The following RAD51B variants were observed in gnomAD, a reference collection of about 807,000 sequenced individuals.
RAD51B encodes DNA repair protein RAD51 homolog 2.
A neutral mutation model predicts 42.2 loss-of-function variants in RAD51B; 38 were observed. The observed-to-expected ratio is 0.90, with a 90% CI of 0.70 to 1.18. The LOEUF is 1.18. Among genes scored for constraint, RAD51B ranks in the 50% most tolerant of loss-of-function variants. The probability of loss-of-function intolerance (pLI) is 0.00; values close to 1 mark genes in which losing one functional copy is unlikely to be tolerated. For missense variants in RAD51B, 373 were observed against 400.7 expected, an observed-to-expected ratio of 0.93 and a Z score of 0.59; for synonymous variants, 154 against 145.2, an observed-to-expected ratio of 1.06 and a Z score of -0.43.
chr14:67,993,592 T>C (rs2075333171), intron 7 of RAD51B, among the ~76,000 whole-genome samples: 1 of 152,230 alleles, frequency 6.6e-6, no homozygotes, highest in South Asian at 2.1e-4. Flanking sequence ...TCCATTCATG[T>C]GTTGATGGAC....
intron 10 of RAD51B, among the ~76,000 whole-genome samples, chr14:68,640,708 G>A (rs1005356949): frequency 6.6e-6 from 1 of 152,214 alleles, no homozygotes; most frequent in Non-Finnish European, 1.5e-5. Flanking sequence ...AGTTCACCAA[G>A]GGATGGGCTG....
chr14:68,359,524 C>T (rs78926716), intron 8 of RAD51B, among the ~76,000 whole-genome samples: 2,204 of 152,240 alleles, frequency 0.014, 53 homozygotes, highest in African/African-American at 0.051. Flanking sequence ...GAAACGCAAA[C>T]AGCTGCTGCC....
At chr14:68,494,456 T>C (rs1884344513) in intron 10 of RAD51B, among the ~76,000 whole-genome samples, 2 of 152,230 alleles carry the variant, frequency 1.3e-5, no homozygotes, top group South Asian at 4.2e-4. Flanking sequence ...GAGGTGTCTG[T>C]GGGCAATACT....
intron 7 of RAD51B, among the ~76,000 whole-genome samples, chr14:67,900,478 A>G (rs2043572700): frequency 6.6e-6 from 1 of 152,098 alleles, no homozygotes; most frequent in Non-Finnish European, 1.5e-5. Context: ...TTTTAGTTTC[A>G]TGACATTGCC....
chr14:68,541,300 G>A (rs1312977442), intron 10 of RAD51B: 2 of 985,356 alleles, frequency 2.0e-6, no homozygotes, highest in Non-Finnish European at 2.4e-6. Context: ...GCAAAGAATA[G>A]GTGGCTAAGG....
intron 9 of RAD51B, among the ~76,000 whole-genome samples, chr14:68,418,952 G>A (rs1179384475): frequency 6.6e-6 from 1 of 152,194 alleles, no homozygotes; most frequent in Non-Finnish European, 1.5e-5. Flanking sequence ...GTGCCCATCT[G>A]AGATACAGTC....
At chr14:68,080,043 C>T (rs2076890223) in intron 7 of RAD51B, among the ~76,000 whole-genome samples, 1 of 152,234 alleles carries the variant, frequency 6.6e-6, no homozygotes, top group Non-Finnish European at 1.5e-5. Flanking sequence ...ACAGGGCCTT[C>T]TGTGATGAAG....
intron 7 of RAD51B, among the ~76,000 whole-genome samples, chr14:68,196,356 A>G (rs1454755014): frequency 6.6e-6 from 1 of 152,162 alleles, no homozygotes; most frequent in East Asian, 1.9e-4. Flanking sequence ...CCTGCTTAAA[A>G]TGTTTCATTG....
intron 8 of RAD51B, among the ~76,000 whole-genome samples, chr14:68,325,819 C>G (rs920656038): frequency 6.6e-6 from 1 of 152,006 alleles, no homozygotes; most frequent in African/African-American, 2.4e-5. Context: ...ACTGTCACCA[C>G]CCATAGCACT....
At chr14:68,074,635 G>C (rs2076804043) in intron 7 of RAD51B, among the ~76,000 whole-genome samples, 1 of 152,152 alleles carries the variant, frequency 6.6e-6, no homozygotes, top group African/African-American at 2.4e-5. Context: ...TCTTGCGTTG[G>C]TTCTTTCTCA....
Position 68,451,228 on chromosome 14 carries a change from C to G in RAD51B, c.958-16944C>G, listed in dbSNP as rs558648927. ...TATCCAGTCTGGTTGCTATCAAGCT[C>G]TTCCTACCAAGTTCTTTCTGAGATC... On this transcript the variant is annotated intron_variant, in intron 9 of 10. Coordinates refer to ENST00000471583, the MANE Select transcript of RAD51B (RefSeq NM_133510.4). Among the ~76,000 whole-genome samples, 4 of 152,324 alleles carry G rather than the reference C, an allele frequency of 2.6e-5. No homozygotes were observed. In the South Asian group the frequency reaches 8.3e-4, roughly 32 times the overall value.
intron 10 of RAD51B, among the ~76,000 whole-genome samples, chr14:68,629,140 C>A (rs1892165932): frequency 6.6e-6 from 1 of 152,122 alleles, no homozygotes; most frequent in African/African-American, 2.4e-5. Context: ...GAAATCACAC[C>A]ATTCTTGGTT....
intron 7 of RAD51B, among the ~76,000 whole-genome samples, chr14:68,162,752 T>C (rs1018442990): frequency 6.6e-6 from 1 of 152,116 alleles, no homozygotes; most frequent in African/African-American, 2.4e-5. Flanking sequence ...GCCACTGCAC[T>C]CCAGCCTGGA....
At chr14:68,290,646 G>A (rs565379452) in intron 7 of RAD51B, among the ~76,000 whole-genome samples, 1 of 152,082 alleles carries the variant, frequency 6.6e-6, no homozygotes, top group Non-Finnish European at 1.5e-5. Flanking sequence ...AGAATTTTAT[G>A]TTAGAATTTA....
At chr14:67,923,298 C>CTTTTTTTTTTTTTTTTTTTT (rs34809964) in intron 7 of RAD51B, among the ~76,000 whole-genome samples, 8 of 123,654 alleles carry the variant, frequency 6.5e-5, no homozygotes, top group Non-Finnish European at 8.3e-5. Flanking sequence ...TTTTCTTTTT[C>CTTTTTTTTTTTTTTTTTTTT]TTTTTTTTTT....
At chr14:68,648,155 GTATATATATATATACACACGTA>G (rs1892622241) in intron 10 of RAD51B, among the ~76,000 whole-genome samples, 1 of 102,456 alleles carries the variant, frequency 9.8e-6, no homozygotes, top group African/African-American at 4.2e-5. Flanking sequence ...ATACACACAC[GTATATATATATATACACACGTA>G]TATATATATG....
chr14:68,467,056 G>A (rs1031535717), intron 9 of RAD51B, among the ~76,000 whole-genome samples: 2 of 152,038 alleles, frequency 1.3e-5, no homozygotes, highest in African/African-American at 2.4e-5. Context: ...TTACCTACAC[G>A]GTTCAGTGTT....
chr14:67,867,468 AG>A (rs1472374621), intron 5 of RAD51B, among the ~76,000 whole-genome samples: 2 of 152,190 alleles, frequency 1.3e-5, no homozygotes, highest in Non-Finnish European at 2.9e-5. Context: ...GTGAAGAAAA[AG>A]GGCCAGCTAT....
chr14:67,915,933 A>G (rs1480081721), intron 7 of RAD51B, among the ~76,000 whole-genome samples: 1 of 152,258 alleles, frequency 6.6e-6, no homozygotes, highest in Non-Finnish European at 1.5e-5. Context: ...ACTTTTCAAT[A>G]GTCCAGCTAA....
Sources: gnomAD v4.1 joint callset for allele counts (sites outside exome capture counted in the v4.1 genomes callset) on GRCh38, gnomAD v4.1.1 for gene constraint, MANE v1.5 for transcripts, NCBI Gene and HGNC (gene_info 2026-07-23, HGNC 2026-07-21) for gene names.